GTPBP1: variants seen among roughly 807,000 people sequenced by gnomAD.
The protein encoded by GTPBP1 is GTP binding protein 1, also known as GTP-binding protein 1.
GTPBP1 carries 23 observed loss-of-function variants against 62.0 expected under a neutral mutation model. The ratio of observed to expected loss-of-function variants is 0.37; its 90% CI spans 0.27 to 0.53. GTPBP1 has a LOEUF of 0.53. Ranked by LOEUF, GTPBP1 falls within the 20% of genes least tolerant of loss-of-function variation. The pLI is 0.89. For synonymous variants in GTPBP1, 344 were observed against 364.4 expected, an observed-to-expected ratio of 0.94 and a Z score of 0.64; for missense variants, 640 against 917.3, an observed-to-expected ratio of 0.70 and a Z score of 3.90.
At chr22:38,722,266 A>G (rs1376882504) in intron 5 of GTPBP1, among the ~76,000 whole-genome samples, 6 of 152,262 alleles carry the variant, frequency 3.9e-5, no homozygotes, top group African/African-American at 7.2e-5. Flanking sequence ...ATTTGCTTCA[A>G]TCACATAAAC....
chr22:38,739,679 A>G, downstream of GTPBP1: 1 of 1,591,060 alleles, frequency 6.3e-7, no homozygotes, highest in African/African-American at 1.3e-5. This position sits in a 1 kb window ranked among gnomAD's most constrained non-coding sequence, Gnocchi z 6.7. Context: ...CCCAGGGAGG[A>G]GAGCTGTGGG....
intron 2 of GTPBP1, among the ~76,000 whole-genome samples, chr22:38,712,636 T>G (rs1004549893): frequency 1.3e-5 from 2 of 152,116 alleles, no homozygotes; most frequent in Non-Finnish European, 2.9e-5. Context: ...TCCTCCACCT[T>G]TGTCTCGGCT....
At chr22:38,723,115 C>G in intron 5 of GTPBP1, 1 of 776,202 alleles carries the variant, frequency 1.3e-6, no homozygotes, top group South Asian at 1.4e-5. Context: ...CCACTGAGAC[C>G]ACAACTTCAC....
intron 2 of GTPBP1, among the ~76,000 whole-genome samples, chr22:38,714,431 A>G (rs1010701265): frequency 7.2e-6 from 1 of 139,668 alleles, no homozygotes; most frequent in Non-Finnish European, 1.5e-5. Context: ...GTGAGCAAGG[A>G]TTGTGCCACT....
chr22:38,729,593 C>A lies in GTPBP1; in HGVS notation c.1848C>A (p.Pro616=), dbSNP rs745854345. The change falls in exon 11 of 12, where the codon CCC becomes CCA. Residue 616 remains proline (P), a synonymous_variant. Coordinates refer to ENST00000216044, the MANE Select transcript of GTPBP1 (RefSeq NM_004286.5). ...CTGGTGGGCCAGCAGTAGGAGCACC[C>A]CCACCTGGAGATGAAGCCTCCTCTG... ...GPSGGPAVGA[P]PPGDEASSVG... 33 of 1,570,828 alleles carry A rather than the reference C, an allele frequency of 2.1e-5. No individual in the cohort carries two copies. The African/African-American group carries it at 3.4e-4, about 16-fold the overall frequency.
chr22:38,710,412 C>G (rs111978571), intron 2 of GTPBP1, among the ~76,000 whole-genome samples: 2 of 152,286 alleles, frequency 1.3e-5, no homozygotes, highest in East Asian at 1.9e-4. Context: ...GATTTGCTCT[C>G]CAGATGCAGC....
Position 38,727,557 on chromosome 22 carries a change from C to T in GTPBP1, c.1537+209C>T, listed in dbSNP as rs1331862201. Among the ~76,000 whole-genome samples the T allele has an allele frequency of 4.6e-5, 7 of 152,212 alleles. No homozygotes were observed. Among genetic ancestry groups the T allele is most frequent in the Non-Finnish European group, 1.0e-4 (7 of 68,040 alleles). On this transcript the variant is annotated intron_variant, in intron 9 of 11. Coordinates refer to ENST00000216044, the MANE Select transcript of GTPBP1 (RefSeq NM_004286.5). This position sits in a 1 kb window ranked among gnomAD's most constrained non-coding sequence, Gnocchi z 6.5. ...GAGGGCTGGGCTCTTGAGACCCAGA[C>T]CTGTCCTCAGGGACCTCACATGCAA...
chr22:38,738,271 AAGAG>A (rs745854540), downstream of GTPBP1: 11 of 1,612,680 alleles, frequency 6.8e-6, no homozygotes, highest in Non-Finnish European at 9.3e-6. This position sits in a 1 kb window ranked among gnomAD's most constrained non-coding sequence, Gnocchi z 6.6. Flanking sequence ...AACCCCTGCA[AAGAG>A]AGCGGAGGGA....
downstream of GTPBP1, chr22:38,740,939 C>T: frequency 6.7e-7 from 1 of 1,491,398 alleles, no homozygotes; most frequent in Non-Finnish European, 9.1e-7. This position sits in a 1 kb window ranked among gnomAD's most constrained non-coding sequence, Gnocchi z 4.8. Context: ...CTCTGCTCCC[C>T]AGTCCTGCCT....
At chr22:38,738,572 A>G, downstream of GTPBP1, 1 of 1,609,324 alleles carries the variant, frequency 6.2e-7, no homozygotes, top group African/African-American at 1.3e-5. The surrounding 1 kb of genome is among the most constrained non-coding windows in gnomAD (Gnocchi z 6.6). Context: ...GCCCCACCAC[A>G]GGACAGATAC....
intron 5 of GTPBP1, chr22:38,722,854 G>T: frequency 6.6e-7 from 1 of 1,509,644 alleles, no homozygotes; most frequent in Non-Finnish European, 9.2e-7. Flanking sequence ...TCTACATACT[G>T]GAACGCCTTC....
At chr22:38,740,683 C>T (rs938954537), downstream of GTPBP1, 6 of 574,308 alleles carry the variant, frequency 1.0e-5, no homozygotes, top group African/African-American at 5.6e-5. This position sits in a 1 kb window ranked among gnomAD's most constrained non-coding sequence, Gnocchi z 4.8. Context: ...GCCTCAGCCT[C>T]TCACATCCTC....
At chr22:38,737,390 A>C, downstream of GTPBP1, among the ~76,000 whole-genome samples, 3 of 151,094 alleles carry the variant, frequency 2.0e-5, no homozygotes, top group Non-Finnish European at 3.0e-5. This position sits in a 1 kb window ranked among gnomAD's most constrained non-coding sequence, Gnocchi z 4.1. Context: ...CTCACTCCCA[A>C]CGCCCCTCTC....
chr22:38,723,941 A>AT lies in GTPBP1; in HGVS notation c.959-349dup, dbSNP rs1207402700. ...TAAGAGATCCTTTTTGTTGGATGAG[A>AT]TTTTTTTCCAGGAAGTAGTGCATTC... is the stretch of plus-strand genomic sequence containing the variant. On this transcript the variant is annotated intron_variant, in intron 5 of 11. Transcript: ENST00000216044. Among the ~76,000 whole-genome samples, 4 of 152,084 alleles carry AT rather than the reference A, an allele frequency of 2.6e-5. No homozygotes were observed. The East Asian group carries it at 7.7e-4, about 29-fold the overall frequency.
At chr22:38,740,317 C>T (rs764507309), downstream of GTPBP1, 3 of 1,603,706 alleles carry the variant, frequency 1.9e-6, no homozygotes, top group East Asian at 6.7e-5. This position sits in a 1 kb window ranked among gnomAD's most constrained non-coding sequence, Gnocchi z 4.8. Context: ...ACTTCTTCCG[C>T]CACCGAGCTC....
chr22:38,730,116 C>T lies in GTPBP1; in HGVS notation c.1917+454C>T, dbSNP rs554247482. On this transcript the variant is annotated intron_variant, in intron 11 of 11. Transcript: ENST00000216044. The surrounding 1 kb of genome is among the most constrained non-coding windows in gnomAD (Gnocchi z 5.6). ...GAGGTGGCTTTGGGATGTGCCAGTG[C>T]GCCTCTTACTCGGCATCTCCTGCCA... Among the ~76,000 whole-genome samples the T allele has an allele frequency of 6.6e-5, 10 of 152,218 alleles. No homozygotes were observed. The highest frequency in any genetic ancestry group is 2.2e-4 in the African/African-American group (9 of 41,532).
chr22:38,714,036 GCGGGGGA>G (rs1750979025), intron 2 of GTPBP1, among the ~76,000 whole-genome samples: 1 of 152,226 alleles, frequency 6.6e-6, no homozygotes, highest in Non-Finnish European at 1.5e-5. Context: ...GGAGACAAGA[GCGGGGGA>G]CGGGGTGGGG....
intron 2 of GTPBP1, among the ~76,000 whole-genome samples, chr22:38,711,834 A>T (rs1467725422): frequency 2.7e-5 from 4 of 149,070 alleles, no homozygotes; most frequent in Admixed American, 6.7e-5. Context: ...AAAAACAATT[A>T]AAAAAAAAAG....
chr22:38,738,487 T>TCCC, downstream of GTPBP1: 1 of 1,477,956 alleles, frequency 6.8e-7, no homozygotes, highest in Non-Finnish European at 9.2e-7. This position sits in a 1 kb window ranked among gnomAD's most constrained non-coding sequence, Gnocchi z 6.6. Flanking sequence ...TCCACTCCCC[T>TCCC]CCCTTCCAGT....
Sources: gnomAD v4.1 joint callset for allele counts (sites outside exome capture counted in the v4.1 genomes callset) on GRCh38, gnomAD v4.1.1 for gene constraint, Gnocchi (gnomAD v3.1) non-coding constraint, MANE v1.5 for transcripts, NCBI Gene and HGNC (gene_info 2026-07-23, HGNC 2026-07-21) for gene names.